KALRN: variants seen among roughly 807,000 people sequenced by gnomAD.
KALRN encodes the protein kalirin.
A neutral mutation model predicts 353.7 loss-of-function variants in KALRN; 70 were observed. The observed-to-expected ratio is 0.20, with a 90% CI of 0.16 to 0.24. The LOEUF (loss-of-function observed/expected upper bound fraction) is 0.24, where lower values mean the gene tolerates loss of function less well. Ranked by LOEUF, KALRN falls within the 10% of genes least tolerant of loss-of-function variation. The pLI is 1.00. For missense variants in KALRN, 2,791 were observed against 3,756.7 expected (o/e 0.74, Z 6.72); for synonymous variants, 1,391 against 1,434.8 (o/e 0.97, Z 0.69).
At chr3:124,644,401 C>T (rs912598811) in intron 37 of KALRN, among the ~76,000 whole-genome samples, 12 of 152,102 alleles carry the variant, frequency 7.9e-5, no homozygotes, top group South Asian at 6.2e-4. Flanking sequence ...TAGGTATACA[C>T]GTGTCATGGT....
intron 57 of KALRN, among the ~76,000 whole-genome samples, chr3:124,704,538 C>CT (rs3058054): frequency 7.9e-5 from 12 of 151,256 alleles, no homozygotes; most frequent in African/African-American, 1.9e-4. Context: ...CATGGAAATT[C>CT]TTTTTTTTTC....
chr3:124,678,209 A>G lies in KALRN; in HGVS notation c.7213A>G (p.Thr2405Ala). The G allele has an allele frequency of 2.5e-6, 4 of 1,613,894 alleles. No individual in the cohort carries two copies. Among genetic ancestry groups the G allele is most frequent in the South Asian group, 1.1e-5 (1 of 91,072 alleles). ...CAACAGGAAGTCATGTTCATGGCAT[A>G]CTCTACGCATGAGAAAGCGGGCGGA... ...GSIKKSCSWH[T>A]LRMRKRAEVE... The change falls in exon 50 of 60, where the codon ACT becomes GCT. Residue 2405 changes from threonine (T) to alanine (A), a missense_variant. Physicochemically the swap from Thr to Ala is moderately conservative, Grantham distance 58. Transcript: ENST00000682506.
intron 56 of KALRN, among the ~76,000 whole-genome samples, chr3:124,700,540 GA>G (rs1242473847): frequency 2.6e-5 from 4 of 152,222 alleles, no homozygotes; most frequent in East Asian, 3.9e-4. Flanking sequence ...TAGATTTGTT[GA>G]AAAAGTAACT....
intron 33 of KALRN, among the ~76,000 whole-genome samples, chr3:124,513,087 G>A (rs956799771): frequency 6.6e-6 from 1 of 152,104 alleles, no homozygotes; most frequent in African/African-American, 2.4e-5. Context: ...TGCAGGACTG[G>A]CAGAGGTTGT....
chr3:124,717,405 T>G lies in KALRN; in HGVS notation c.8415+20T>G. On this transcript the variant is annotated intron_variant, in intron 59 of 59. Transcript: ENST00000682506. ...ATAAAGGTAATAAGAAGTGGCAACC[T>G]GCTGGGCGCAGTGGCTCACGCCTGA... is the stretch of plus-strand genomic sequence containing the variant. 1 of 1,570,550 alleles carries G rather than the reference T, an allele frequency of 6.4e-7. No individual in the cohort carries two copies. The highest frequency in any genetic ancestry group is 8.6e-7 in the Non-Finnish European group (1 of 1,156,522).
chr3:124,185,263 G>A (rs146866161), intron 1 of KALRN, among the ~76,000 whole-genome samples: 66 of 152,252 alleles, frequency 4.3e-4, no homozygotes, highest in African/African-American at 1.4e-3. Context: ...CCATCTGCCC[G>A]TCTTGGCCTC....
intron 1 of KALRN, among the ~76,000 whole-genome samples, chr3:124,134,659 G>A (rs959544220): frequency 2.6e-5 from 4 of 151,968 alleles, no homozygotes; most frequent in Admixed American, 6.6e-5. Context: ...AATCTACAAC[G>A]GACTCAGACA....
intron 6 of KALRN, among the ~76,000 whole-genome samples, chr3:124,325,295 C>A (rs1295747583): frequency 6.6e-6 from 1 of 152,064 alleles, no homozygotes; most frequent in Non-Finnish European, 1.5e-5. Flanking sequence ...GTGGGGAAAT[C>A]TTCCTAAATC....
chr3:124,598,649 GTGT>G (rs752338814), intron 34 of KALRN, among the ~76,000 whole-genome samples: 20 of 147,064 alleles, frequency 1.4e-4, no homozygotes, highest in East Asian at 9.7e-4. Context: ...TTGTTTTTTT[GTGT>G]TGTTGTTGTT....
intron 3 of KALRN, among the ~76,000 whole-genome samples, chr3:124,253,639 AGT>A (rs1478927530): frequency 1.3e-5 from 2 of 152,180 alleles, no homozygotes; most frequent in Non-Finnish European, 2.9e-5. Flanking sequence ...GCCACTCCTC[AGT>A]GACCAGGCTA....
chr3:124,157,783 A>G (rs1028431478), intron 1 of KALRN, among the ~76,000 whole-genome samples: 3 of 152,156 alleles, frequency 2.0e-5, no homozygotes, highest in Admixed American at 2.0e-4. Flanking sequence ...TTTCCAGTGC[A>G]GCAGAGGAGA....
intron 1 of KALRN, among the ~76,000 whole-genome samples, chr3:124,185,188 G>C (rs1265092453): frequency 6.6e-6 from 1 of 152,090 alleles, no homozygotes; most frequent in Admixed American, 6.6e-5. Flanking sequence ...GCTAATTTTT[G>C]TATTTTTAGT....
At chr3:124,654,841 AC>A (rs758835921) in intron 38 of KALRN, among the ~76,000 whole-genome samples, 1 of 152,222 alleles carries the variant, frequency 6.6e-6, no homozygotes, top group African/African-American at 2.4e-5. Context: ...TACAATACCT[AC>A]CTTATTATAA....
intron 56 of KALRN, among the ~76,000 whole-genome samples, chr3:124,701,127 G>C (rs948504258): frequency 6.6e-6 from 1 of 152,294 alleles, no homozygotes; most frequent in East Asian, 1.9e-4. Context: ...ATGATGCTGT[G>C]TGTTTTGCTA....
chr3:124,563,114 G>A (rs750287352), intron 34 of KALRN, 25 bp downstream of exon 34: 2 of 1,360,526 alleles, frequency 1.5e-6, no homozygotes, highest in South Asian at 2.3e-5. Context: ...CGGGTGGGAG[G>A]CACAGACCAA....
At chr3:124,054,906 G>C (rs2041383681) in intron 1 of KALRN, among the ~76,000 whole-genome samples, 1 of 152,180 alleles carries the variant, frequency 6.6e-6, no homozygotes, top group East Asian at 1.9e-4. Flanking sequence ...AGGATCTCTA[G>C]AAGTTTATCA....
At chr3:124,164,799 C>A (rs1379476978) in intron 1 of KALRN, 1 of 152,092 alleles carries the variant, frequency 6.6e-6, no homozygotes, top group African/African-American at 2.4e-5. Context: ...TAGAAAATGT[C>A]CAAGTCTAGA....
At chr3:124,288,978 A>G (rs993055712) in intron 5 of KALRN, among the ~76,000 whole-genome samples, 13 of 152,230 alleles carry the variant, frequency 8.5e-5, no homozygotes, top group South Asian at 4.1e-4. Flanking sequence ...CTATAAAATA[A>G]TGCCTGAGAC....
intron 14 of KALRN, among the ~76,000 whole-genome samples, chr3:124,416,477 C>G (rs1407527214): frequency 6.6e-6 from 1 of 152,262 alleles, no homozygotes; most frequent in Admixed American, 6.5e-5. Context: ...TTCAGTGCCT[C>G]TTACTGAGGC....
Sources: allele counts gnomAD v4.1 joint callset (sites outside exome capture counted in the v4.1 genomes callset), GRCh38; gene constraint gnomAD v4.1.1; transcripts MANE v1.5; gene names NCBI Gene and HGNC (gene_info 2026-07-23, HGNC 2026-07-21).